Variants in LIPG observed in about 807,000 individuals in gnomAD.
LIPG encodes the protein lipase G, endothelial type.
In LIPG, 34 loss-of-function variants were observed where a neutral mutation model predicts 51.8. The ratio of observed to expected loss-of-function variants is 0.66; its 90% CI spans 0.50 to 0.87. The LOEUF is 0.87. Ranked by LOEUF, LIPG falls within the 40% of genes least tolerant of loss-of-function variation. LIPG has a pLI of 0.00. For synonymous variants in LIPG, 246 were observed against 246.1 expected (o/e 1.00, Z 0.00); for missense variants, 580 against 652.7 (o/e 0.89, Z 1.21).
In LIPG at chr18:49,583,544, T is replaced by A; in HGVS notation, c.1158-12T>A. On this transcript the variant is annotated splice_polypyrimidine_tract_variant and intron_variant, in intron 7 of 9. Transcript: ENST00000261292. ...GTTAGGGGAGTGAGATCAGCTTCTC[T>A]CCCACTTGTAGAGTGGAGCGGATCG... The A allele has an allele frequency of 6.2e-7, 1 of 1,610,522 alleles. No individual in the cohort carries two copies. The highest frequency in any genetic ancestry group is 1.1e-5 in the South Asian group (1 of 90,988).
rs1379995551 is a variant in LIPG, at chr18:49,575,383, G to C, written c.586G>C (p.Gly196Arg). Reference protein sequence around the residue: ...VGRITGLDPAGPMFEGADIHK... With the variant: ...VGRITGLDPARPMFEGADIHK... ...TTCTGCTGCAGGTTTGGATCCTGCC[G>C]GGCCCATGTTTGAAGGGGCCGACAT... The change falls in exon 5 of 10, where the codon GGG becomes CGG. Residue 196 changes from glycine (G) to arginine (R), a missense_variant. By Grantham distance (125) the Gly-to-Arg change is moderately radical (BLOSUM62 -2). Transcript: ENST00000261292. 6.2e-7 allele frequency: 1 copy of C among 1,612,512 alleles called. No individual in the cohort carries two copies. Among genetic ancestry groups the C allele is most frequent in the Non-Finnish European group, 8.5e-7 (1 of 1,180,006 alleles).
intron 4 of LIPG, among the ~76,000 whole-genome samples, chr18:49,574,692 GTGCTGCTTGCC>G (rs879415723): frequency 1.1e-4 from 16 of 152,126 alleles, no homozygotes; most frequent in Non-Finnish European, 2.1e-4. Context: ...GCTCTCAACA[GTGCTGCTTGCC>G]TGCTCAACAC....
At chr18:49,579,017 A>C (rs1426394966) in intron 5 of LIPG, among the ~76,000 whole-genome samples, 7 of 192 alleles carry the variant, frequency 0.036, 1 homozygote, top group Admixed American at 0.2. Flanking sequence ...AGGGAGAGGG[A>C]GAGGGAGAGG....
At chr18:49,582,048 G>A (rs1239006346) in intron 6 of LIPG, among the ~76,000 whole-genome samples, 1 of 152,166 alleles carries the variant, frequency 6.6e-6, no homozygotes, top group East Asian at 1.9e-4. Context: ...TGGGTACTGT[G>A]GGTATTATTT....
chr18:49,561,878 C>A (rs1178253621), upstream of LIPG: 5 of 1,271,718 alleles, frequency 3.9e-6, no homozygotes, highest in African/African-American at 3.1e-5. Context: ...GCCGAGCGTG[C>A]GGCGTCCACG....
chr18:49,567,336 C>CA (rs200206113), intron 2 of LIPG, 106 bp from the exon 3 acceptor site: 22,145 of 965,146 alleles, frequency 0.023, no homozygotes, highest in Non-Finnish European at 0.027. Context: ...GACCCTGAGT[C>CA]AAAAAAAAAA....
intron 1 of LIPG, 120 bp downstream of exon 1, chr18:49,562,525 C>G: frequency 6.9e-6 from 6 of 867,720 alleles, no homozygotes; most frequent in Non-Finnish European, 1.1e-5. Flanking sequence ...CTGCGCTGCC[C>G]ATTCTCTCCT....
intron 4 of LIPG, 111 bp from the exon 5 acceptor site, chr18:49,575,258 T>C: frequency 1.3e-6 from 1 of 771,150 alleles, no homozygotes; most frequent in Non-Finnish European, 2.2e-6. Context: ...TTCTCCCAGC[T>C]GGTCTCAGAA....
At chr18:49,582,565 C>T (rs144853431) in intron 7 of LIPG, 83 bp downstream of exon 7, 140 of 1,568,152 alleles carry the variant, frequency 8.9e-5, no homozygotes, top group African/African-American at 3.1e-4. Flanking sequence ...AGCGTGTGAA[C>T]GAGTACAGCA....
In LIPG at chr18:49,590,536, A is replaced by G. The variant is rs766567286; in HGVS notation, c.*14A>G. 3.8e-6 allele frequency: 6 copies of G among 1,595,622 alleles called. No homozygotes were observed. In the African/African-American group the frequency reaches 5.4e-5, roughly 14 times the overall value. On this transcript the variant is annotated 3_prime_UTR_variant, in exon 10 of 10. Coordinates refer to ENST00000261292, the MANE Select transcript of LIPG (RefSeq NM_006033.4). ...GAGCTTCCCTGAGGGTGCCCGGGCA[A>G]GTCTTGCCAGCAAGGCAGCAAGACT...
At chr18:49,582,611 C>G in intron 7 of LIPG, 129 bp downstream of exon 7, 1 of 1,239,966 alleles carries the variant, frequency 8.1e-7, no homozygotes, top group Non-Finnish European at 1.2e-6. Flanking sequence ...CAGGGAGGAG[C>G]CAGGTGGTCT....
intron 5 of LIPG, 108 bp from the exon 6 acceptor site, chr18:49,581,306 CA>C (rs2071146859): frequency 6.9e-7 from 1 of 1,445,208 alleles, no homozygotes; most frequent in Admixed American, 1.7e-5. Flanking sequence ...AAAATACTAA[CA>C]GCAACAATAA....
rs79516737 is a variant in LIPG at position 49,592,525 on chromosome 18, G to A, written c.*2003G>A. ...TTGTGTACATGAAGCATGGTTTGTGGTAACTTATGTGAGGGGTTTTCCCAT... is the reference window on the plus strand; with the variant it reads ...TTGTGTACATGAAGCATGGTTTGTGATAACTTATGTGAGGGGTTTTCCCAT... On this transcript the variant is annotated 3_prime_UTR_variant, in exon 10 of 10. Coordinates refer to ENST00000261292, the MANE Select transcript of LIPG (RefSeq NM_006033.4). 580 of 152,782 alleles carry A rather than the reference G, an allele frequency of 3.8e-3. 5 individuals are homozygous for A. Among genetic ancestry groups the A allele is most frequent in the African/African-American group, 0.014 (562 of 41,544 alleles). 9.5% of individuals were successfully genotyped at this position (152,782 alleles called of 1,614,324 possible).
At chr18:49,579,022 G>A (rs1425842146) in intron 5 of LIPG, among the ~76,000 whole-genome samples, 1 of 30 alleles carries the variant, frequency 0.033, no homozygotes, top group African/African-American at 0.25. Context: ...GAGGGAGAGG[G>A]AGAGGGAGAG....
At position 49,590,531 on chromosome 18, in the gene LIPG, G is replaced by A. The variant is rs773636934; in HGVS notation, c.*9G>A. On this transcript the variant is annotated 3_prime_UTR_variant, in exon 10 of 10. Transcript: ENST00000261292. ...CTGTGGAGCTTCCCTGAGGGTGCCCGGGCAAGTCTTGCCAGCAAGGCAGCA... is the reference window on the plus strand; with the variant it reads ...CTGTGGAGCTTCCCTGAGGGTGCCCAGGCAAGTCTTGCCAGCAAGGCAGCA... The A allele has an allele frequency of 1.6e-5, 26 of 1,598,168 alleles. No homozygotes were observed. Among genetic ancestry groups the A allele is most frequent in the Middle Eastern group, 1.6e-4 (1 of 6,062 alleles).
intron 5 of LIPG, among the ~76,000 whole-genome samples, chr18:49,577,558 C>G (rs1263753302): frequency 6.0e-5 from 9 of 149,586 alleles, no homozygotes; most frequent in Non-Finnish European, 8.9e-5. Context: ...GGGTGGTGGC[C>G]GGGCAGAGGG....
chr18:49,568,928 C>G (rs1191633145), intron 3 of LIPG, among the ~76,000 whole-genome samples: 2 of 152,142 alleles, frequency 1.3e-5, no homozygotes, highest in Admixed American at 6.5e-5. Flanking sequence ...CCTTACCCCC[C>G]AGATGAGTGC....
chr18:49,578,998 C>T (rs1328241861), intron 5 of LIPG, among the ~76,000 whole-genome samples: 2 of 85,970 alleles, frequency 2.3e-5, no homozygotes, highest in Admixed American at 1.4e-4. Context: ...AGAGGGAGAC[C>T]GTGGGGAGAG....
intron 9 of LIPG, among the ~76,000 whole-genome samples, chr18:49,588,792 C>A (rs1600571100): frequency 6.6e-6 from 1 of 152,294 alleles, no homozygotes; most frequent in South Asian, 2.1e-4. Context: ...TAAGCCAAAA[C>A]ACCTGCTAAG....
Sources: gnomAD v4.1 joint callset for allele counts (sites outside exome capture counted in the v4.1 genomes callset) on GRCh38, gnomAD v4.1.1 for gene constraint, MANE v1.5 for transcripts, NCBI Gene and HGNC (gene_info 2026-07-23, HGNC 2026-07-21) for gene names.